The following GPM6B variants were observed in gnomAD, a reference collection of about 807,000 sequenced individuals.
The protein encoded by GPM6B is glycoprotein M6B, also known as neuronal membrane glycoprotein M6-b.
In GPM6B, 4 loss-of-function variants were observed where a neutral mutation model predicts 27.2. That is an observed-to-expected ratio of 0.15 (90% CI 0.07 to 0.34). The LOEUF (loss-of-function observed/expected upper bound fraction) is 0.34, where lower values mean the gene tolerates loss of function less well. GPM6B is among the 10% of genes least tolerant of loss of function. The pLI is 1.00. For synonymous variants in GPM6B, 124 were observed against 103.1 expected, an observed-to-expected ratio of 1.20 and a Z score of -1.23; for missense variants, 183 against 261.9, an observed-to-expected ratio of 0.70 and a Z score of 2.08.
intron 2 of GPM6B, among the ~76,000 whole-genome samples, chrX:13,802,688 A>G (rs1271873748): frequency 8.9e-6 from 1 of 111,762 alleles, no homozygotes; most frequent in African/African-American, 3.3e-5. Flanking sequence ...TCAGAAAACA[A>G]AAGGCAAAGT....
At chrX:13,849,755 G>T (rs1022413704) in intron 1 of GPM6B, among the ~76,000 whole-genome samples, 5 of 108,912 alleles carry the variant, frequency 4.6e-5, no homozygotes, top group African/African-American at 1.0e-4. Flanking sequence ...TTTTGGGGGT[G>T]GGGGGGAGAG....
At chrX:13,862,862 A>ATT (rs112287002) in intron 1 of GPM6B, among the ~76,000 whole-genome samples, 1,827 of 96,755 alleles carry the variant, frequency 0.019, 38 homozygotes, top group East Asian at 0.14. Context: ...AACTTTTGTG[A>ATT]TTTTTTTTTT....
At position 13,808,066 on chromosome X, in the gene GPM6B, T is replaced by G. The variant is rs150614098; in HGVS notation, c.62-297A>C. ...ATACTATTTATAGTGAAAATTTGGC[T>G]CCTCACAATAATATTTTTCTTTCTG... On this transcript the variant is annotated intron_variant, in intron 1 of 7. Transcript: ENST00000316715. Among the ~76,000 whole-genome samples, 245 of 112,130 alleles carry G rather than the reference T, an allele frequency of 2.2e-3. 1 individual carries two copies. The highest frequency in any genetic ancestry group is 7.6e-3 in the African/African-American group (235 of 30,857).
intron 2 of GPM6B, among the ~76,000 whole-genome samples, chrX:13,786,272 C>T (rs961348540): frequency 1.8e-5 from 2 of 112,350 alleles, no homozygotes; most frequent in African/African-American, 6.5e-5. Flanking sequence ...GGTTTCAATA[C>T]GTCTGCTGCT....
At chrX:13,780,303 A>G (rs1026075309) in intron 4 of GPM6B, among the ~76,000 whole-genome samples, 1 of 112,050 alleles carries the variant, frequency 8.9e-6, no homozygotes, top group Non-Finnish European at 1.9e-5. Context: ...TCACAGAGCT[A>G]ATCAGTGGCA....
chrX:13,886,394 G>A (rs930273750), intron 1 of GPM6B, among the ~76,000 whole-genome samples: 1 of 110,478 alleles, frequency 9.1e-6, no homozygotes, highest in Non-Finnish European at 1.9e-5. Context: ...ATAGTACTGT[G>A]AGTATCAGGA....
intron 1 of GPM6B, among the ~76,000 whole-genome samples, chrX:13,933,938 T>C (rs1284412988): frequency 9.0e-6 from 1 of 111,629 alleles, no homozygotes; most frequent in East Asian, 2.8e-4. Flanking sequence ...TACAATAAAA[T>C]ATCAGCAAAT....
At chrX:13,911,174 A>T (rs1029189962) in intron 1 of GPM6B, among the ~76,000 whole-genome samples, 1 of 112,361 alleles carries the variant, frequency 8.9e-6, no homozygotes, top group Admixed American at 9.5e-5. Context: ...ATAAAATGAT[A>T]CTAGTATATC....
chrX:13,915,278 TAAAAAAA>T (rs57417145), intron 1 of GPM6B, among the ~76,000 whole-genome samples: 38,964 of 80,360 alleles, frequency 0.48, 7,448 homozygotes, highest in Non-Finnish European at 0.6. Context: ...AAAAAATGTG[TAAAAAAA>T]AAAAAAAAAA....
At chrX:13,825,481 G>A (rs771972815) in intron 1 of GPM6B, among the ~76,000 whole-genome samples, 1 of 112,401 alleles carries the variant, frequency 8.9e-6, no homozygotes, top group South Asian at 3.7e-4. Context: ...CAAGATGTTG[G>A]CAAAGATCCA....
chrX:13,938,183 C>A, intron 1 of GPM6B: 1 of 199,786 alleles, frequency 5.0e-6, no homozygotes, highest in Non-Finnish European at 9.2e-6. Flanking sequence ...AAAGCACTAG[C>A]CCGGGACGCG....
chrX:13,868,628 C>CT (rs774569598), intron 1 of GPM6B, among the ~76,000 whole-genome samples: 94 of 112,372 alleles, frequency 8.4e-4, no homozygotes, highest in African/African-American at 3.0e-3. Context: ...AAGAGTTTTT[C>CT]TTTACCCCTT....
Position 13,834,836 on chromosome X carries a change from G to A in GPM6B, c.-197-49028C>T, listed in dbSNP as rs377553756. On this transcript the variant is annotated intron_variant, in intron 1 of 6. Transcript: ENST00000398361. ...TAAGAATAAATGGATACTTGTCATC[G>A]TATTAAGACATACCAGTTCGAAACA... 3.7e-4 allele frequency among the ~76,000 whole-genome samples: 41 copies of A among 112,062 alleles called. No homozygotes were observed. The East Asian group carries it at 0.01, about 28-fold the overall frequency.
intron 1 of GPM6B, 31 bp from the exon 2 acceptor site, chrX:13,807,800 T>C: frequency 8.6e-7 from 1 of 1,160,509 alleles, no homozygotes; most frequent in South Asian, 2.0e-5. Flanking sequence ...AGAGTCAGTG[T>C]CTCTATCTCC....
chrX:13,800,681 C>T (rs1307390597), intron 2 of GPM6B, among the ~76,000 whole-genome samples: 3 of 111,668 alleles, frequency 2.7e-5, no homozygotes, highest in Non-Finnish European at 5.6e-5. Context: ...TGAACTGAAA[C>T]GATACTTTAC....
chrX:13,785,535 G>A, intron 3 of GPM6B, 87 bp downstream of exon 3: 1 of 905,065 alleles, frequency 1.1e-6, no homozygotes, highest in Non-Finnish European at 1.6e-6. Context: ...TGATCTGCCT[G>A]CCTCAGCCTC....
intron 1 of GPM6B, among the ~76,000 whole-genome samples, chrX:13,896,041 G>C (rs757732255): frequency 3.1e-5 from 3 of 96,781 alleles, no homozygotes; most frequent in African/African-American, 1.1e-4. Flanking sequence ...TGTAGTCCCA[G>C]CTATTTGGGA....
At chrX:13,865,541 T>TAAAAAAAAAAA (rs1569271152) in intron 1 of GPM6B, among the ~76,000 whole-genome samples, 13 of 3,095 alleles carry the variant, frequency 4.2e-3, no homozygotes, top group African/African-American at 9.5e-3. Context: ...ATCCATCTCT[T>TAAAAAAAAAAA]CAAAAAAAAA....
At chrX:13,836,581 T>G (rs2147222710) in intron 1 of GPM6B, among the ~76,000 whole-genome samples, 1 of 112,745 alleles carries the variant, frequency 8.9e-6, no homozygotes, top group South Asian at 3.7e-4. Flanking sequence ...TATTTATTTT[T>G]AAAAGCACCT....
Sources: allele counts gnomAD v4.1 joint callset (sites outside exome capture counted in the v4.1 genomes callset), GRCh38; gene constraint gnomAD v4.1.1; transcripts MANE v1.5; gene names NCBI Gene and HGNC (gene_info 2026-07-23, HGNC 2026-07-21).